The following MSRA variants were observed in gnomAD, a reference collection of about 807,000 sequenced individuals.
The protein encoded by MSRA is methionine sulfoxide reductase A.
A neutral mutation model predicts 31.3 loss-of-function variants in MSRA; 54 were observed. The ratio of observed to expected loss-of-function variants is 1.73; its 90% confidence interval spans 1.39 to 2.17. The LOEUF (loss-of-function observed/expected upper bound fraction) is 2.17. Ranked by LOEUF, MSRA falls within the 30% of genes most tolerant of loss-of-function variation. The pLI, the probability that MSRA is intolerant of heterozygous loss-of-function variation, is 0.00. For missense variants in MSRA, 507 were observed against 300.9 expected, an observed-to-expected ratio of 1.69 and a Z score of -5.07; for synonymous variants, 169 against 116.5, an observed-to-expected ratio of 1.45 and a Z score of -2.90.
chr8:10,227,288 C>T (rs1252356275), intron 2 of MSRA, among the ~76,000 whole-genome samples: 1 of 152,042 alleles, frequency 6.6e-6, no homozygotes, highest in Non-Finnish European at 1.5e-5. Context: ...CCCTTGTGAC[C>T]TCAAGGGAGA....
intron 3 of MSRA, among the ~76,000 whole-genome samples, chr8:10,274,544 C>G (rs572419982): frequency 6.6e-6 from 1 of 152,294 alleles, no homozygotes; most frequent in Non-Finnish European, 1.5e-5. Flanking sequence ...CCATTCCAAT[C>G]TGGAGAAGTT....
intron 1 of MSRA, among the ~76,000 whole-genome samples, chr8:10,151,736 A>G (rs1215484814): frequency 6.6e-6 from 1 of 152,214 alleles, no homozygotes; most frequent in Non-Finnish European, 1.5e-5. Context: ...TCTGGCTGAA[A>G]TTTAGAATCT....
intron 5 of MSRA, among the ~76,000 whole-genome samples, chr8:10,351,728 C>T (rs548332177): frequency 1.3e-5 from 2 of 152,338 alleles, no homozygotes; most frequent in South Asian, 2.1e-4. Flanking sequence ...TGGTTATCCA[C>T]AGTGAGATGA....
intron 5 of MSRA, among the ~76,000 whole-genome samples, chr8:10,355,611 G>T (rs967358689): frequency 2.0e-5 from 3 of 152,178 alleles, no homozygotes; most frequent in Non-Finnish European, 2.9e-5. Context: ...GGGAAGGCCT[G>T]TCCCTCTGTG....
intron 3 of MSRA, among the ~76,000 whole-genome samples, chr8:10,245,501 C>A (rs1228696902): frequency 6.6e-6 from 1 of 152,202 alleles, no homozygotes; most frequent in Non-Finnish European, 1.5e-5. Flanking sequence ...TTCTGATGAT[C>A]AGCAGTTGAG....
chr8:10,329,343 G>C (rs1422260476), intron 5 of MSRA, among the ~76,000 whole-genome samples: 2 of 152,188 alleles, frequency 1.3e-5, no homozygotes, highest in South Asian at 4.1e-4. Context: ...CCAGCGTCTG[G>C]TGGGTGCCAC....
At chr8:10,059,956 A>G (rs1470239419) in intron 1 of MSRA, among the ~76,000 whole-genome samples, 1 of 152,268 alleles carries the variant, frequency 6.6e-6, no homozygotes, top group Non-Finnish European at 1.5e-5. Flanking sequence ...AACTTTGACG[A>G]TACACTGTGT....
chr8:10,054,965 A>T (rs1232895841), intron 1 of MSRA, among the ~76,000 whole-genome samples: 1 of 152,152 alleles, frequency 6.6e-6, no homozygotes, highest in Non-Finnish European at 1.5e-5. Flanking sequence ...TTTGGGCAGG[A>T]AATGTGCCGC....
chr8:10,105,005 T>TA (rs1373367297), intron 1 of MSRA, among the ~76,000 whole-genome samples: 4 of 152,228 alleles, frequency 2.6e-5, no homozygotes, highest in South Asian at 2.1e-4. Context: ...ATTTTGCTGT[T>TA]ACGTTTATTG....
intron 3 of MSRA, among the ~76,000 whole-genome samples, chr8:10,270,859 G>A (rs1458718449): frequency 2.6e-5 from 4 of 152,198 alleles, no homozygotes; most frequent in Admixed American, 1.3e-4. Context: ...GGTGGAATTT[G>A]TGCTGCAGGG....
At chr8:10,398,668 G>T (rs1185686129) in intron 5 of MSRA, among the ~76,000 whole-genome samples, 1 of 152,224 alleles carries the variant, frequency 6.6e-6, no homozygotes, top group African/African-American at 2.4e-5. Context: ...GCTAAGGCCT[G>T]ATCTTTCCGC....
intron 5 of MSRA, among the ~76,000 whole-genome samples, chr8:10,360,719 C>T (rs187130717): frequency 4.6e-5 from 7 of 152,320 alleles, no homozygotes; most frequent in Non-Finnish European, 1.5e-5. Context: ...ATCCTTTTTG[C>T]AGTTTATTTG....
chr8:10,191,836 A>G (rs973369720), intron 1 of MSRA, among the ~76,000 whole-genome samples: 23 of 152,190 alleles, frequency 1.5e-4, no homozygotes, highest in African/African-American at 4.8e-4. Context: ...ACATTACTGT[A>G]TTAATTTTCT....
intron 1 of MSRA, among the ~76,000 whole-genome samples, chr8:10,067,764 A>T (rs1797532679): frequency 6.6e-6 from 1 of 150,854 alleles, no homozygotes; most frequent in Non-Finnish European, 1.5e-5. Flanking sequence ...CCCAAATGAT[A>T]TATGCTGATG....
intron 5 of MSRA, among the ~76,000 whole-genome samples, chr8:10,381,909 C>T (rs1458460418): frequency 6.6e-6 from 1 of 152,158 alleles, no homozygotes; most frequent in African/African-American, 2.4e-5. Flanking sequence ...ACTCTTGGGA[C>T]CCCAGGGGAT....
At position 10,054,632 on chromosome 8, in the gene MSRA, G is replaced by A; in HGVS notation, c.116G>A (p.Gly39Asp). 2 of 1,576,020 alleles carry A rather than the reference G, an allele frequency of 1.3e-6. No individual in the cohort carries two copies. The highest frequency in any genetic ancestry group is 1.1e-5 in the South Asian group (1 of 87,740). Reference sequence around the variant, plus strand: ...GTCAGCCCCCAGGAGGCCTTGCCGGGCCGGAAGGAACAGACCCCTGTAGCG... The same window carrying A: ...GTCAGCCCCCAGGAGGCCTTGCCGGACCGGAAGGAACAGACCCCTGTAGCG... ...NIVSPQEALP[G>D]RKEQTPVAAK... Residue 39 changes from glycine (G) to aspartate (D), a missense_variant, in exon 1 of 6, where the codon GGC becomes GAC. By Grantham distance (94) the Gly-to-Asp change is moderately conservative. Coordinates refer to ENST00000317173, the MANE Select transcript of MSRA (RefSeq NM_012331.5).
intron 2 of MSRA, among the ~76,000 whole-genome samples, chr8:10,222,942 TAA>T (rs1047470515): frequency 1.3e-5 from 2 of 152,188 alleles, no homozygotes; most frequent in Non-Finnish European, 2.9e-5. Context: ...TGAAAATTGC[TAA>T]GAGAGTAGAT....
intron 1 of MSRA, among the ~76,000 whole-genome samples, chr8:10,083,868 T>G (rs1798414424): frequency 1.3e-5 from 2 of 152,224 alleles, no homozygotes; most frequent in Admixed American, 1.3e-4. Flanking sequence ...AATTTTAATT[T>G]TAAAATACTT....
chr8:10,395,482 A>G (rs1807039204), intron 5 of MSRA, among the ~76,000 whole-genome samples: 1 of 152,146 alleles, frequency 6.6e-6, no homozygotes, highest in South Asian at 2.1e-4. Flanking sequence ...TGAGCAGGAG[A>G]ATGACATGGC....
Sources: gnomAD v4.1 joint callset for allele counts (sites outside exome capture counted in the v4.1 genomes callset) on GRCh38, gnomAD v4.1.1 for gene constraint, MANE v1.5 for transcripts, NCBI Gene and HGNC (gene_info 2026-07-23, HGNC 2026-07-21) for gene names.